ITPR2: variants seen among roughly 807,000 people sequenced by gnomAD.
ITPR2 encodes inositol 1,4,5-trisphosphate receptor type 2, also known as inositol 1,4,5-trisphosphate-gated calcium channel ITPR2.
Under a neutral mutation model 317.1 loss-of-function variants are expected in ITPR2, and 207 were observed. That is an observed-to-expected ratio of 0.65 (90% CI 0.58 to 0.73). The LOEUF is 0.73. Ranked by LOEUF, ITPR2 falls within the 30% of genes least tolerant of loss-of-function variation. ITPR2 has a pLI of 0.00. For synonymous variants in ITPR2, 1,156 were observed against 1,149.1 expected (o/e 1.01, Z -0.12); for missense variants, 2,613 against 3,284.0 (o/e 0.80, Z 4.99).
At chr12:26,459,127 T>A (rs1054650187) in intron 45 of ITPR2, among the ~76,000 whole-genome samples, 1 of 152,142 alleles carries the variant, frequency 6.6e-6, no homozygotes, top group East Asian at 1.9e-4. Flanking sequence ...CACATACAAA[T>A]ATGAGGAGCC....
At chr12:26,627,015 A>AT (rs1946636370) in intron 23 of ITPR2, among the ~76,000 whole-genome samples, 1 of 152,198 alleles carries the variant, frequency 6.6e-6, no homozygotes, top group South Asian at 2.1e-4. Context: ...TAGTCACAAA[A>AT]TTTTTACAAT....
At chr12:26,642,157 A>G (rs1173260438) in intron 21 of ITPR2, among the ~76,000 whole-genome samples, 1 of 152,204 alleles carries the variant, frequency 6.6e-6, no homozygotes, top group Non-Finnish European at 1.5e-5. Context: ...GCACCTGGAA[A>G]TAGGAAGCTT....
At chr12:26,727,557 A>G (rs1354372003) in intron 2 of ITPR2, among the ~76,000 whole-genome samples, 2 of 152,248 alleles carry the variant, frequency 1.3e-5, no homozygotes, top group African/African-American at 4.8e-5. Flanking sequence ...AATTAGCGAT[A>G]TCTTTGGGGA....
At chr12:26,523,526 T>C (rs1397760818) in intron 37 of ITPR2, among the ~76,000 whole-genome samples, 3 of 142,038 alleles carry the variant, frequency 2.1e-5, no homozygotes, top group African/African-American at 7.6e-5. Context: ...CAAAATCTTT[T>C]TTTTTTTTTT....
chr12:26,712,119 A>G (rs991237200), intron 8 of ITPR2, among the ~76,000 whole-genome samples: 6 of 152,152 alleles, frequency 3.9e-5, no homozygotes, highest in Non-Finnish European at 7.3e-5. Context: ...AGGTCCACCA[A>G]TTACTGGGGT....
chr12:26,772,447 A>ATATAATACATG (rs1281760955), intron 2 of ITPR2, among the ~76,000 whole-genome samples: 1 of 105,254 alleles, frequency 9.5e-6, no homozygotes, highest in Non-Finnish European at 2.0e-5. Context: ...TGTATTATAT[A>ATATAATACATG]TATTATATAT....
intron 43 of ITPR2, among the ~76,000 whole-genome samples, chr12:26,480,770 G>T (rs1942528437): frequency 6.6e-6 from 1 of 152,154 alleles, no homozygotes; most frequent in South Asian, 2.1e-4. Flanking sequence ...AACCTGGGAG[G>T]AGGAGGTTGC....
chr12:26,711,893 G>A (rs1281441574), intron 8 of ITPR2, among the ~76,000 whole-genome samples: 1 of 152,172 alleles, frequency 6.6e-6, no homozygotes, highest in African/African-American at 2.4e-5. Context: ...CAAGGCCTAA[G>A]GTCTAAACTA....
At chr12:26,666,616 C>G (rs1947638032) in intron 13 of ITPR2, among the ~76,000 whole-genome samples, 1 of 152,250 alleles carries the variant, frequency 6.6e-6, no homozygotes, top group African/African-American at 2.4e-5. Context: ...ATGTACAGAA[C>G]AGGAAAAACT....
intron 28 of ITPR2, 59 bp downstream of exon 28, chr12:26,602,311 A>G: frequency 1.3e-6 from 2 of 1,549,900 alleles, no homozygotes; most frequent in Non-Finnish European, 1.7e-6. Context: ...GAACTTTGCA[A>G]AACATTTGAA....
At chr12:26,567,998 T>A (rs1351296179) in intron 34 of ITPR2, among the ~76,000 whole-genome samples, 4 of 4,794 alleles carry the variant, frequency 8.3e-4, no homozygotes, top group African/African-American at 1.7e-3. Flanking sequence ...ATATATATAT[T>A]ATATATATTA....
intron 32 of ITPR2, among the ~76,000 whole-genome samples, chr12:26,581,542 A>T (rs115838546): frequency 6.7e-4 from 102 of 152,294 alleles, no homozygotes; most frequent in African/African-American, 2.4e-3. Context: ...CATACACAAG[A>T]TGTTCAACAA....
rs144640239 is a variant in ITPR2, at chr12:26,349,675, C to T, written c.7858-9347G>A. 2.5e-4 allele frequency among the ~76,000 whole-genome samples: 38 copies of T among 152,370 alleles called. 1 individual carries two copies. In the East Asian group the frequency reaches 6.6e-3, roughly 26 times the overall value. On this transcript the variant is annotated intron_variant, in intron 55 of 56. Transcript: ENST00000381340. ...CCATATGCAGAGTGGCTGAAGCCCA[C>T]GCCTTAGAGACGTGCATGGCACCCA...
At chr12:26,374,440 T>C (rs1939281606) in intron 55 of ITPR2, among the ~76,000 whole-genome samples, 2 of 152,254 alleles carry the variant, frequency 1.3e-5, no homozygotes, top group African/African-American at 4.8e-5. Flanking sequence ...TTATTGAACA[T>C]ATGGAAGTTG....
At chr12:26,788,304 T>C (rs1053653293) in intron 2 of ITPR2, among the ~76,000 whole-genome samples, 1 of 152,212 alleles carries the variant, frequency 6.6e-6, no homozygotes, top group Non-Finnish European at 1.5e-5. Context: ...TGGTAGTCAT[T>C]GTTCTTGTTA....
Position 26,790,793 on chromosome 12 carries a change from G to A in ITPR2, c.93-566C>T, listed in dbSNP as rs184334234. 1.0e-3 allele frequency among the ~76,000 whole-genome samples: 156 copies of A among 152,268 alleles called. 1 individual carries two copies. Among genetic ancestry groups the A allele is most frequent in the Non-Finnish European group, 1.7e-3 (119 of 68,012 alleles). ...GAGTGCCCATAGAGTAGGTGGTTAT[G>A]CCTTCCTGGCCTGCATTCAATCTCT... On this transcript the variant is annotated intron_variant, in intron 1 of 56. Coordinates refer to ENST00000381340, the MANE Select transcript of ITPR2 (RefSeq NM_002223.4).
At chr12:26,778,643 C>T (rs536838080) in intron 2 of ITPR2, among the ~76,000 whole-genome samples, 2 of 152,340 alleles carry the variant, frequency 1.3e-5, no homozygotes, top group East Asian at 3.9e-4. Flanking sequence ...GTTCCATAAT[C>T]TTATTCAGAG....
At chr12:26,798,920 A>G (rs1950505129) in intron 1 of ITPR2, among the ~76,000 whole-genome samples, 1 of 152,242 alleles carries the variant, frequency 6.6e-6, no homozygotes, top group Non-Finnish European at 1.5e-5. Flanking sequence ...TTGCCTGTCT[A>G]TGATGACAAG....
At chr12:26,390,002 G>A (rs1350651355) in intron 54 of ITPR2, among the ~76,000 whole-genome samples, 1 of 152,052 alleles carries the variant, frequency 6.6e-6, no homozygotes, top group Non-Finnish European at 1.5e-5. Flanking sequence ...AATGATATTT[G>A]GCACATAGTT....
Sources: gnomAD v4.1 joint callset for allele counts (sites outside exome capture counted in the v4.1 genomes callset) on GRCh38, gnomAD v4.1.1 for gene constraint, MANE v1.5 for transcripts, NCBI Gene and HGNC (gene_info 2026-07-23, HGNC 2026-07-21) for gene names.